LPIN1: variants seen among roughly 807,000 people sequenced by gnomAD.
The protein encoded by LPIN1 is phosphatidate phosphatase LPIN1.
Under a neutral mutation model 107.5 loss-of-function variants are expected in LPIN1, and 71 were observed. That is an observed-to-expected ratio of 0.66 (90% CI 0.55 to 0.80). The LOEUF (loss-of-function observed/expected upper bound fraction) is 0.80, where lower values mean the gene tolerates loss of function less well. LPIN1 is among the 30% of genes least tolerant of loss of function. The pLI, the probability that LPIN1 is intolerant of heterozygous loss-of-function variation, is 0.00. For missense variants in LPIN1, 1,043 were observed against 1,160.6 expected (o/e 0.90, Z 1.47); for synonymous variants, 445 against 452.6 (o/e 0.98, Z 0.21).
At chr2:11,749,186 G>A (rs917937133) in intron 1 of LPIN1, among the ~76,000 whole-genome samples, 2 of 152,198 alleles carry the variant, frequency 1.3e-5, no homozygotes, top group Non-Finnish European at 2.9e-5. Flanking sequence ...GACGTCACAG[G>A]TTCTTCATTC....
chr2:11,798,947 C>G (rs1350379992), intron 14 of LPIN1, among the ~76,000 whole-genome samples: 1 of 152,196 alleles, frequency 6.6e-6, no homozygotes, highest in African/African-American at 2.4e-5. Context: ...CACAGCTACT[C>G]TTCTGTGCAC....
At chr2:11,804,995 T>C in intron 16 of LPIN1, 75 bp from the exon 17 acceptor site, 1 of 899,580 alleles carries the variant, frequency 1.1e-6, no homozygotes, top group Non-Finnish European at 1.8e-6. Flanking sequence ...TTTTTTTTTT[T>C]TTTATGAGGC....
In LPIN1 at chr2:11,727,757, G is replaced by A. The variant is rs1158590920; in HGVS notation, c.-72+3218G>A. Among the ~76,000 whole-genome samples the A allele has an allele frequency of 2.0e-5, 3 of 152,116 alleles. No individual in the cohort carries two copies. The East Asian group carries it at 5.8e-4, about 29-fold the overall frequency. On this transcript the variant is annotated intron_variant, in intron 1 of 21. Transcript: ENST00000396097. The stretch of plus-strand genomic sequence containing the variant: ...TTATTTGCAACTTCTTTCTCCAACA[G>A]TGAGAAACTCTGCTTCTATTATCTG...
intron 1 of LPIN1, among the ~76,000 whole-genome samples, chr2:11,759,917 C>T (rs1669440703): frequency 1.3e-5 from 2 of 152,162 alleles, no homozygotes; most frequent in Admixed American, 1.3e-4. Context: ...CTCCTCACTT[C>T]CCAGACGGGG....
At chr2:11,690,150 C>T (rs1662199917) in intron 1 of LPIN1, among the ~76,000 whole-genome samples, 1 of 152,126 alleles carries the variant, frequency 6.6e-6, no homozygotes, top group African/African-American at 2.4e-5. Context: ...TATGTCCAAC[C>T]TCTTGTATCT....
At chr2:11,789,294 C>T (rs1175847836) in intron 12 of LPIN1, among the ~76,000 whole-genome samples, 1 of 150,376 alleles carries the variant, frequency 6.6e-6, no homozygotes, top group Non-Finnish European at 1.5e-5. Context: ...TGTGCCTGTG[C>T]CTGTGTGTCA....
intron 1 of LPIN1, among the ~76,000 whole-genome samples, chr2:11,762,532 C>T (rs1046489865): frequency 6.6e-6 from 1 of 152,082 alleles, no homozygotes; most frequent in Non-Finnish European, 1.5e-5. Context: ...TCCGAGAGTC[C>T]TCTGATTAAA....
intron 1 of LPIN1, among the ~76,000 whole-genome samples, chr2:11,701,969 ATC>A (rs769111392): frequency 3.2e-4 from 49 of 152,218 alleles, no homozygotes; most frequent in Non-Finnish European, 6.3e-4. Context: ...CATTGTGCTC[ATC>A]TCTGCTGAGT....
chr2:11,704,629 C>A (rs757860692), intron 1 of LPIN1, among the ~76,000 whole-genome samples: 1 of 152,168 alleles, frequency 6.6e-6, no homozygotes, highest in Non-Finnish European at 1.5e-5. Flanking sequence ...TCACTAGAAT[C>A]ACAGAATGTT....
intron 1 of LPIN1, among the ~76,000 whole-genome samples, chr2:11,738,657 G>A (rs529862984): frequency 6.6e-6 from 1 of 152,310 alleles, no homozygotes; most frequent in South Asian, 2.1e-4. Flanking sequence ...CCTCACAAGT[G>A]TCCACCTCAG....
In LPIN1 at chr2:11,825,677, C is replaced by T. The variant is rs1682281032; in HGVS notation, c.*886C>T. The T allele has an allele frequency of 6.6e-6, 1 of 152,580 alleles. No homozygotes were observed. The highest frequency in any genetic ancestry group is 6.5e-5 in the Admixed American group (1 of 15,276). The allele number at this position is 152,580 out of a possible 1,614,324, so 9.5% of individuals were successfully genotyped here. On this transcript the variant is annotated 3_prime_UTR_variant, in exon 21 of 21. Transcript: ENST00000674199. This position sits in a 1 kb window ranked among gnomAD's most constrained non-coding sequence, Gnocchi z 4.1. ...GTGGTGCTGACAGTGTGGACTTGAG[C>T]ACACTTATGCCAAATGATAATGATA...
chr2:11,683,746 C>T (rs915390749), intron 1 of LPIN1, among the ~76,000 whole-genome samples: 10 of 152,172 alleles, frequency 6.6e-5, no homozygotes, highest in Admixed American at 1.3e-4. Flanking sequence ...TCCTCCAGGA[C>T]GGCTGGTGTT....
chr2:11,824,809 C>T lies in LPIN1; in HGVS notation c.*18C>T. 1 of 1,614,096 alleles carries T rather than the reference C, an allele frequency of 6.2e-7. No homozygotes were observed. Among genetic ancestry groups the T allele is most frequent in the South Asian group, 1.1e-5 (1 of 91,080 alleles). ...CAGCGTAAAATGTCCCAAGCAGCCTCTTGCCAGCAGTGCAGAGCCTGGTTG... is the reference window on the plus strand; with the variant it reads ...CAGCGTAAAATGTCCCAAGCAGCCTTTTGCCAGCAGTGCAGAGCCTGGTTG... On this transcript the variant is annotated 3_prime_UTR_variant, in exon 21 of 21. Coordinates refer to ENST00000674199, the MANE Select transcript of LPIN1 (RefSeq NM_001349206.2).
chr2:11,701,800 A>C (rs778720870), intron 1 of LPIN1, among the ~76,000 whole-genome samples: 5 of 152,206 alleles, frequency 3.3e-5, no homozygotes, highest in Non-Finnish European at 4.4e-5. Context: ...CTGTGTGTTT[A>C]GATTACAGAA....
chr2:11,778,153 C>T (rs559253243), intron 6 of LPIN1, among the ~76,000 whole-genome samples: 18 of 152,202 alleles, frequency 1.2e-4, no homozygotes. Flanking sequence ...GGCCCACGTG[C>T]CTTCTTATAG....
Position 11,804,406 on chromosome 2 carries a change from T to C in LPIN1, c.2014-17T>C, listed in dbSNP as rs1218456952. ...TTTCCCTCAAGCAGACAAATACTAA[T>C]GGTTCATGTTTTTCAGAAAAGCTTG... On this transcript the variant is annotated splice_polypyrimidine_tract_variant and intron_variant, in intron 15 of 20. Transcript: ENST00000674199. 6.2e-7 allele frequency: 1 copy of C among 1,613,942 alleles called. No individual in the cohort carries two copies. The highest frequency in any genetic ancestry group is 2.2e-5 in the East Asian group (1 of 44,898).
In LPIN1 at chr2:11,789,316, T is replaced by C. The variant is rs575619616; in HGVS notation, c.1713+860T>C. On this transcript the variant is annotated intron_variant, in intron 12 of 20. Coordinates refer to ENST00000674199, the MANE Select transcript of LPIN1 (RefSeq NM_001349206.2). ...GTGCCTGTGTGTCAGTGTGTGCTCA[T>C]GTGCATGTGTGCATACGTGCATGTG... 3.5e-4 allele frequency among the ~76,000 whole-genome samples: 53 copies of C among 152,242 alleles called. No homozygotes were observed. The South Asian group carries it at 0.011, about 31-fold the overall frequency.
At chr2:11,684,316 GGT>G (rs1466132987) in intron 1 of LPIN1, among the ~76,000 whole-genome samples, 1 of 151,432 alleles carries the variant, frequency 6.6e-6, no homozygotes, top group Non-Finnish European at 1.5e-5. Context: ...TGGGACTACA[GGT>G]GTGTGCCACT....
chr2:11,733,572 A>C (rs1414636573), intron 1 of LPIN1, among the ~76,000 whole-genome samples: 1 of 150,998 alleles, frequency 6.6e-6, no homozygotes, highest in Non-Finnish European at 1.5e-5. Flanking sequence ...GCTCACTGCA[A>C]CCTCCACCTC....
Sources: gnomAD v4.1 joint callset for allele counts (sites outside exome capture counted in the v4.1 genomes callset) on GRCh38, gnomAD v4.1.1 for gene constraint, Gnocchi (gnomAD v3.1) non-coding constraint, MANE v1.5 for transcripts, NCBI Gene and HGNC (gene_info 2026-07-23, HGNC 2026-07-21) for gene names.